The following GALNT16 variants were observed in gnomAD, a reference collection of about 807,000 sequenced individuals.
GALNT16 encodes polypeptide N-acetylgalactosaminyltransferase 16.
GALNT16 carries 40 observed loss-of-function variants against 76.1 expected under a neutral mutation model. The observed-to-expected ratio is 0.53, with a 90% CI of 0.41 to 0.68. The LOEUF (loss-of-function observed/expected upper bound fraction) is 0.68. Among genes scored for constraint, GALNT16 ranks in the 30% least tolerant of loss-of-function variants. The pLI, the probability that GALNT16 is intolerant of heterozygous loss-of-function variation, is 0.00. For synonymous variants in GALNT16, 276 were observed against 285.2 expected, an observed-to-expected ratio of 0.97 and a Z score of 0.32; for missense variants, 621 against 731.9, an observed-to-expected ratio of 0.85 and a Z score of 1.75.
At chr14:69,331,345 C>A in intron 6 of GALNT16, 119 bp from the exon 7 acceptor site, 4 of 701,572 alleles carry the variant, frequency 5.7e-6, no homozygotes, top group Non-Finnish European at 1.0e-5. Flanking sequence ...CCTGGGCATA[C>A]CCTGCAGGAA....
At chr14:69,316,199 C>T (rs536686231) in intron 1 of GALNT16, among the ~76,000 whole-genome samples, 24 of 152,198 alleles carry the variant, frequency 1.6e-4, no homozygotes, top group Non-Finnish European at 3.2e-4. Flanking sequence ...GGCAAACTAC[C>T]ATACGCCGGC....
intron 14 of GALNT16, chr14:69,350,370 T>C (rs530396894): frequency 2.0e-5 from 3 of 152,254 alleles, no homozygotes; most frequent in Non-Finnish European, 2.9e-5. Context: ...GAAGGCTAGA[T>C]GCTGAGGTAG....
chr14:69,288,560 T>C (rs1018374679), intron 1 of GALNT16, among the ~76,000 whole-genome samples: 1 of 152,204 alleles, frequency 6.6e-6, no homozygotes, highest in Admixed American at 6.5e-5. Context: ...TCATTCATTT[T>C]GCATTGACCG....
At chr14:69,380,927 C>A in the GALNT16 span, among the ~76,000 whole-genome samples, 1 of 152,316 alleles carries the variant, frequency 6.6e-6, no homozygotes, top group African/African-American at 2.4e-5. Flanking sequence ...GACCAGAAAC[C>A]ATGTGTTCTT....
rs372906363 is a variant in GALNT16, at chr14:69,338,339, T to C, written c.968-312T>C. On this transcript the variant is annotated intron_variant, in intron 9 of 14. Transcript: ENST00000448469. ...GGGCTTTCTAGACAGAGCCTGGAAA[T>C]GATGCCACTGTTTGGTTGTTTTCCT... Among the ~76,000 whole-genome samples, 30 of 152,338 alleles carry C rather than the reference T, an allele frequency of 2.0e-4. No individual in the cohort carries two copies. The South Asian group carries it at 5.2e-3, about 26-fold the overall frequency.
intron 1 of GALNT16, among the ~76,000 whole-genome samples, chr14:69,301,724 C>T (rs2044854879): frequency 6.6e-6 from 1 of 152,118 alleles, no homozygotes; most frequent in African/African-American, 2.4e-5. Flanking sequence ...CGTGGTGGCT[C>T]ACTACTGTAA....
intron 1 of GALNT16, among the ~76,000 whole-genome samples, chr14:69,299,342 G>C (rs547747812): frequency 2.6e-5 from 4 of 152,294 alleles, no homozygotes; most frequent in African/African-American, 9.6e-5. Context: ...TCAAGTCTCA[G>C]GTTCCTAGGA....
intron 1 of GALNT16, among the ~76,000 whole-genome samples, chr14:69,271,440 A>G (rs532249129): frequency 6.6e-6 from 1 of 152,210 alleles, no homozygotes; most frequent in Admixed American, 6.5e-5. Context: ...TCTGAGCGAG[A>G]GTGCTCAGAG....
chr14:69,276,632 G>T (rs1594814498), intron 1 of GALNT16, among the ~76,000 whole-genome samples: 1 of 151,014 alleles, frequency 6.6e-6, no homozygotes, highest in East Asian at 1.9e-4. Flanking sequence ...AGTGAGCCGA[G>T]ATCACGCCAC....
intron 12 of GALNT16, among the ~76,000 whole-genome samples, chr14:69,343,339 T>C (rs760469725): frequency 6.6e-6 from 1 of 152,208 alleles, no homozygotes; most frequent in Non-Finnish European, 1.5e-5. Flanking sequence ...CCAAGTGCAA[T>C]GAATAAGCTA....
chr14:69,292,033 G>A (rs757869050), intron 1 of GALNT16, among the ~76,000 whole-genome samples: 2 of 152,182 alleles, frequency 1.3e-5, no homozygotes, highest in African/African-American at 4.8e-5. Context: ...CTCAAGACAA[G>A]AATCTCTGGC....
intron 1 of GALNT16, among the ~76,000 whole-genome samples, chr14:69,309,882 C>T (rs1016172493): frequency 2.0e-5 from 3 of 151,980 alleles, no homozygotes; most frequent in African/African-American, 7.2e-5. Flanking sequence ...TGAAAAGTGA[C>T]CAATTTTTTT....
At chr14:69,307,285 G>A (rs746567598) in intron 1 of GALNT16, among the ~76,000 whole-genome samples, 6 of 152,278 alleles carry the variant, frequency 3.9e-5, no homozygotes, top group African/African-American at 9.6e-5. Context: ...AACGTACCTC[G>A]AGCAGCTACT....
chr14:69,324,903 G>A (rs920199165), intron 3 of GALNT16, 113 bp downstream of exon 3: 8 of 633,148 alleles, frequency 1.3e-5, no homozygotes, highest in Admixed American at 1.3e-4. Flanking sequence ...GCTGAGTCCT[G>A]TACTTCTGAG....
chr14:69,367,452 G>A, the GALNT16 span, among the ~76,000 whole-genome samples: 1 of 151,904 alleles, frequency 6.6e-6, no homozygotes, highest in Non-Finnish European at 1.5e-5. Flanking sequence ...TCTGCAACCT[G>A]CAACCTGGAA....
chr14:69,260,431 G>C lies in GALNT16; in HGVS notation c.141G>C (p.Ser47=), dbSNP rs147598454. 5.1e-4 allele frequency: 807 copies of C among 1,585,914 alleles called. 4 individuals carry two copies. In the African/African-American group the frequency reaches 9.3e-3, roughly 18 times the overall value. ...GRGAQRAGRR[S]EQLREDRTIP... Reference sequence around the variant, plus strand: ...GCGCGCAGAGGGCAGGCAGGAGGTCGGAGCAGCTCCGCGAGGACCGCACCA... The same window carrying C: ...GCGCGCAGAGGGCAGGCAGGAGGTCCGAGCAGCTCCGCGAGGACCGCACCA... The change falls in exon 1 of 15, where the codon TCG becomes TCC. Residue 47 remains serine, a synonymous_variant. Transcript: ENST00000448469.
chr14:69,322,929 T>G lies in GALNT16; in HGVS notation c.336-1763T>G, dbSNP rs1283927737. 4.0e-3 allele frequency among the ~76,000 whole-genome samples: 144 copies of G among 35,890 alleles called. 1 individual carries two copies. The highest frequency in any genetic ancestry group is 0.023 in the South Asian group (14 of 598). The allele number at this position is 35,890 out of a possible 152,430, so 23.5% of individuals were successfully genotyped here. On this transcript the variant is annotated intron_variant, in intron 2 of 14. Coordinates refer to ENST00000448469, the MANE Select transcript of GALNT16 (RefSeq NM_001168368.2). ...GAAAGCTGAGGTGGCTCACGGGGTGTGTGTGTGTGTGTGTGTGTGTGTGTG... is the reference window on the plus strand; with the variant it reads ...GAAAGCTGAGGTGGCTCACGGGGTGGGTGTGTGTGTGTGTGTGTGTGTGTG...
rs72625668 is a variant in GALNT16 at position 69,278,168 on chromosome 14, C to T, written c.177+17701C>T. On this transcript the variant is annotated intron_variant, in intron 1 of 14. Transcript: ENST00000448469. ...GGACTACAGGTGCACACCACCATGC[C>T]CGGCTAATTTTTAAATGTTTTGGAA... 4.5e-3 allele frequency among the ~76,000 whole-genome samples: 685 copies of T among 152,134 alleles called. 34 individuals are homozygous for T. The East Asian group carries it at 0.12, about 27-fold the overall frequency.
chr14:69,375,543 T>C, the GALNT16 span, among the ~76,000 whole-genome samples: 10 of 152,230 alleles, frequency 6.6e-5, no homozygotes, highest in African/African-American at 2.4e-4. Context: ...AACATTACCA[T>C]GGCAACTCCT....
Sources: gnomAD v4.1 joint callset for allele counts (sites outside exome capture counted in the v4.1 genomes callset) on GRCh38, gnomAD v4.1.1 for gene constraint, MANE v1.5 for transcripts, NCBI Gene and HGNC (gene_info 2026-07-23, HGNC 2026-07-21) for gene names.